The following CSRNP3 variants were observed in gnomAD, a reference collection of about 807,000 sequenced individuals.
CSRNP3 encodes cysteine and serine rich nuclear protein 3.
In CSRNP3, 12 loss-of-function variants were observed where a neutral mutation model predicts 48.0. The observed-to-expected ratio is 0.25, with a 90% CI of 0.16 to 0.41. The LOEUF (loss-of-function observed/expected upper bound fraction) is 0.41. Among genes scored for constraint, CSRNP3 ranks in the 10% least tolerant of loss-of-function variants. The probability of loss-of-function intolerance (pLI) is 1.00; values close to 1 mark genes in which losing one functional copy is unlikely to be tolerated. For missense variants in CSRNP3, 580 were observed against 724.4 expected (o/e 0.80, Z 2.29); for synonymous variants, 263 against 269.7 (o/e 0.98, Z 0.24).
chr2:165,654,609 G>A (rs1686971789), intron 4 of CSRNP3, among the ~76,000 whole-genome samples: 1 of 152,000 alleles, frequency 6.6e-6, no homozygotes, highest in Non-Finnish European at 1.5e-5. Flanking sequence ...ATCATCATCT[G>A]TGTATTTATT....
At chr2:165,538,081 C>T (rs915407271) in intron 3 of CSRNP3, among the ~76,000 whole-genome samples, 1 of 151,790 alleles carries the variant, frequency 6.6e-6, no homozygotes, top group Admixed American at 6.6e-5. Flanking sequence ...AGCAAGGACC[C>T]ACTGCTCCAG....
intron 3 of CSRNP3, among the ~76,000 whole-genome samples, chr2:165,546,876 A>G (rs570592673): frequency 6.6e-6 from 1 of 152,352 alleles, no homozygotes; most frequent in Admixed American, 6.5e-5. Context: ...TGGATTTACA[A>G]CTGACTTAGA....
intron 4 of CSRNP3, among the ~76,000 whole-genome samples, chr2:165,647,260 A>G (rs1023702716): frequency 6.6e-6 from 1 of 152,248 alleles, no homozygotes. Flanking sequence ...AATGGATTTT[A>G]GCAAGTATTA....
intron 4 of CSRNP3, among the ~76,000 whole-genome samples, chr2:165,644,166 G>A (rs1195492101): frequency 6.6e-6 from 1 of 152,014 alleles, no homozygotes; most frequent in African/African-American, 2.4e-5. Flanking sequence ...ATGGAGCCAG[G>A]GTTAGTTTGT....
intron 4 of CSRNP3, among the ~76,000 whole-genome samples, chr2:165,629,692 G>T (rs761139356): frequency 6.6e-6 from 1 of 152,148 alleles, no homozygotes; most frequent in Non-Finnish European, 1.5e-5. Context: ...GAGAAATGAA[G>T]ATATCTCGAT....
At chr2:165,496,802 A>C (rs1322963605) in intron 2 of CSRNP3, among the ~76,000 whole-genome samples, 1 of 151,940 alleles carries the variant, frequency 6.6e-6, no homozygotes, top group Non-Finnish European at 1.5e-5. Flanking sequence ...TTAAATCGCC[A>C]GCATGCTTAC....
At chr2:165,541,648 TA>T (rs1684959124) in intron 3 of CSRNP3, among the ~76,000 whole-genome samples, 1 of 152,114 alleles carries the variant, frequency 6.6e-6, no homozygotes, top group African/African-American at 2.4e-5. Context: ...AACACAAATC[TA>T]AATGCAATTA....
intron 3 of CSRNP3, among the ~76,000 whole-genome samples, chr2:165,545,095 A>G (rs1348964248): frequency 2.0e-5 from 3 of 152,146 alleles, no homozygotes; most frequent in Non-Finnish European, 2.9e-5. Flanking sequence ...TAAAAGGGGA[A>G]CTGAGAATTG....
At chr2:165,610,804 A>T (rs1686123631) in intron 4 of CSRNP3, among the ~76,000 whole-genome samples, 1 of 152,184 alleles carries the variant, frequency 6.6e-6, no homozygotes, top group African/African-American at 2.4e-5. Flanking sequence ...TGGATTCATC[A>T]GCATCAACCC....
chr2:165,623,448 C>T (rs1360661531), intron 4 of CSRNP3, among the ~76,000 whole-genome samples: 1 of 152,160 alleles, frequency 6.6e-6, no homozygotes, highest in African/African-American at 2.4e-5. Context: ...GAAACCATCC[C>T]TCCCCAGTCC....
At chr2:165,616,722 C>T (rs1686250981) in intron 4 of CSRNP3, among the ~76,000 whole-genome samples, 2 of 152,122 alleles carry the variant, frequency 1.3e-5, no homozygotes, top group Admixed American at 1.3e-4. Flanking sequence ...ACTATAATGT[C>T]TCTTGGAGAG....
chr2:165,549,811 A>T (rs533143300), intron 3 of CSRNP3, among the ~76,000 whole-genome samples: 1 of 152,272 alleles, frequency 6.6e-6, no homozygotes, highest in East Asian at 1.9e-4. Context: ...GCTTTGTTGT[A>T]GTCTATATGG....
chr2:165,538,979 C>T (rs1038278975), intron 3 of CSRNP3, among the ~76,000 whole-genome samples: 18 of 151,856 alleles, frequency 1.2e-4, no homozygotes, highest in Non-Finnish European at 2.4e-4. Context: ...ATACTCCTAA[C>T]GATATCTCAT....
Position 165,600,620 on chromosome 2 carries a change from G to C in CSRNP3, c.148+5407G>C, listed in dbSNP as rs534545094. Among the ~76,000 whole-genome samples, 127 of 152,210 alleles carry C rather than the reference G, an allele frequency of 8.3e-4. No homozygotes were observed. The East Asian group carries it at 0.015, about 18-fold the overall frequency. On this transcript the variant is annotated intron_variant, in intron 4 of 6. Coordinates refer to ENST00000651982, the MANE Select transcript of CSRNP3 (RefSeq NM_001172173.2). Reference sequence around the variant, plus strand: ...GTTGTTTCCTGACTTTTTAATGATTGCCATTCTAACTGGTGTGAGATGGTA... The same window carrying C: ...GTTGTTTCCTGACTTTTTAATGATTCCCATTCTAACTGGTGTGAGATGGTA...
intron 3 of CSRNP3, among the ~76,000 whole-genome samples, chr2:165,580,253 A>G (rs1685521330): frequency 6.6e-6 from 1 of 152,134 alleles, no homozygotes; most frequent in South Asian, 2.1e-4. Flanking sequence ...AGATTGTATG[A>G]CTATGGTGCA....
intron 4 of CSRNP3, among the ~76,000 whole-genome samples, chr2:165,604,748 C>A (rs543017734): frequency 1.2e-4 from 19 of 152,264 alleles, no homozygotes; most frequent in Admixed American, 3.9e-4. Context: ...CCTTCACCAT[C>A]CTTTGAATTG....
chr2:165,558,350 T>C (rs1189374817), intron 3 of CSRNP3, among the ~76,000 whole-genome samples: 1 of 152,220 alleles, frequency 6.6e-6, no homozygotes, highest in Admixed American at 6.5e-5. Context: ...GTATAATTGC[T>C]GATGAAGGGT....
chr2:165,578,862 G>A (rs1558939529), intron 3 of CSRNP3, among the ~76,000 whole-genome samples: 2 of 152,052 alleles, frequency 1.3e-5, no homozygotes, highest in African/African-American at 2.4e-5. Flanking sequence ...TCCCAACTCC[G>A]GAGTTGTTTA....
intron 1 of CSRNP3, among the ~76,000 whole-genome samples, chr2:165,493,296 G>A (rs1229278573): frequency 2.0e-5 from 3 of 151,996 alleles, no homozygotes; most frequent in African/African-American, 7.2e-5. Flanking sequence ...GATGGCTTAA[G>A]ATGTCACCTC....
Sources: gnomAD v4.1 joint callset for allele counts (sites outside exome capture counted in the v4.1 genomes callset) on GRCh38, gnomAD v4.1.1 for gene constraint, MANE v1.5 for transcripts, NCBI Gene and HGNC (gene_info 2026-07-23, HGNC 2026-07-21) for gene names.